The following ALG1 variants were observed in gnomAD, a reference collection of about 807,000 sequenced individuals.
ALG1 encodes the protein chitobiosyldiphosphodolichol beta-mannosyltransferase.
ALG1 carries 58 observed loss-of-function variants against 55.1 expected under a neutral mutation model. The ratio of observed to expected loss-of-function variants is 1.05; its 90% CI spans 0.85 to 1.31. The LOEUF (loss-of-function observed/expected upper bound fraction) is 1.31. ALG1 is among the 50% of genes most tolerant of loss of function. ALG1 has a pLI of 0.00. For missense variants in ALG1, 761 were observed against 598.6 expected, an observed-to-expected ratio of 1.27 and a Z score of -2.83; for synonymous variants, 309 against 247.0, an observed-to-expected ratio of 1.25 and a Z score of -2.35.
In ALG1 at chr16:5,079,363, C is replaced by T. The variant is rs371452820; in HGVS notation, c.901+261C>T. Among the ~76,000 whole-genome samples, 71 of 152,316 alleles carry T rather than the reference C, an allele frequency of 4.7e-4. 1 individual carries two copies. The highest frequency in any genetic ancestry group is 1.7e-3 in the African/African-American group (69 of 41,560). The stretch of plus-strand genomic sequence containing the variant: ...CGCCAGAGCAGTGCTCTTTCTCCAC[C>T]TGACCAGGTGACTCTGGCTATTGTT... On this transcript the variant is annotated intron_variant, in intron 8 of 12. Transcript: ENST00000262374.
intron 3 of ALG1, among the ~76,000 whole-genome samples, chr16:5,074,439 C>A (rs892713478): frequency 6.6e-6 from 1 of 152,162 alleles, no homozygotes; most frequent in Non-Finnish European, 1.5e-5. Context: ...CATGAACCAT[C>A]GTGACCCACA....
intron 9 of ALG1, among the ~76,000 whole-genome samples, chr16:5,080,681 C>T (rs1324569393): frequency 1.3e-5 from 2 of 152,186 alleles, no homozygotes; most frequent in Non-Finnish European, 2.9e-5. Flanking sequence ...GGTGCCAGGC[C>T]AGTGCTTACC....
chr16:5,073,360 G>T, intron 3 of ALG1, 104 bp downstream of exon 3: 1 of 1,043,274 alleles, frequency 9.6e-7, no homozygotes, highest in Non-Finnish European at 1.5e-6. Context: ...TGTGTTGTGT[G>T]TATGGGCGTT....
intron 3 of ALG1, among the ~76,000 whole-genome samples, chr16:5,075,117 C>T (rs749850360): frequency 1.3e-5 from 2 of 152,058 alleles, no homozygotes; most frequent in African/African-American, 2.4e-5. Context: ...TTTCCTAGGC[C>T]GGCCTTGAAC....
At chr16:5,077,612 G>C in intron 5 of ALG1, 78 bp downstream of exon 5, 3 of 1,429,576 alleles carry the variant, frequency 2.1e-6, no homozygotes, top group South Asian at 2.3e-5. Flanking sequence ...TGCCTTGCCT[G>C]CTGCCGTCCT....
Position 5,071,960 on chromosome 16 carries a change from G to T in ALG1, c.111G>T (p.Ala37=), listed in dbSNP as rs1464493808. 1 of 1,589,098 alleles carries T rather than the reference G, an allele frequency of 6.3e-7. No individual in the cohort carries two copies. Among genetic ancestry groups the T allele is most frequent in the Non-Finnish European group, 8.6e-7 (1 of 1,167,848 alleles). ...GGCGGGCGGCCCGGCATGTAGTAGCGGTGGTGCTGGGCGACGTGGGCCGCA... is the reference window on the plus strand; with the variant it reads ...GGCGGGCGGCCCGGCATGTAGTAGCTGTGGTGCTGGGCGACGTGGGCCGCA... ...RRGRAARHVV[A]VVLGDVGRSP... The change falls in exon 1 of 13, where the codon GCG becomes GCT. Residue 37 remains alanine (A), a synonymous_variant. Transcript: ENST00000262374.
chr16:5,077,700 G>A lies in ALG1; in HGVS notation c.629+166G>A, dbSNP rs116891668. On this transcript the variant is annotated intron_variant, in intron 5 of 12. Coordinates refer to ENST00000262374, the MANE Select transcript of ALG1 (RefSeq NM_019109.5). ...GGAAGCTGGGGGAGGAGGGGGCAGA[G>A]TTTCTTTCTTAGCCAGCCAGGGGGT... Among the ~76,000 whole-genome samples, 2,224 of 152,304 alleles carry A rather than the reference G, an allele frequency of 0.015. 32 individuals are homozygous for A. Among genetic ancestry groups the A allele is most frequent in the South Asian group, 0.039 (187 of 4,828 alleles).
intron 11 of ALG1, 101 bp downstream of exon 11, chr16:5,082,774 C>T (rs890104304): frequency 2.7e-5 from 37 of 1,385,366 alleles, no homozygotes; most frequent in Non-Finnish European, 1.1e-5. Flanking sequence ...CCCTGCCCCT[C>T]GGTCAGTCCG....
chr16:5,084,973 C>T lies in ALG1; in HGVS notation c.*92C>T. 1 of 1,587,774 alleles carries T rather than the reference C, an allele frequency of 6.3e-7. No homozygotes were observed. Among genetic ancestry groups the T allele is most frequent in the South Asian group, 1.1e-5 (1 of 90,810 alleles). ...CAGGGCAAACCCTTTCGAGCAGCACCTCCCAGTGGCCAGAAGCTGAAATGA... is the reference window on the plus strand; with the variant it reads ...CAGGGCAAACCCTTTCGAGCAGCACTTCCCAGTGGCCAGAAGCTGAAATGA... On this transcript the variant is annotated 3_prime_UTR_variant, in exon 13 of 13. Transcript: ENST00000262374.
At chr16:5,073,990 C>T (rs1232072848) in intron 3 of ALG1, among the ~76,000 whole-genome samples, 2 of 152,240 alleles carry the variant, frequency 1.3e-5, no homozygotes, top group African/African-American at 4.8e-5. Flanking sequence ...GCTGGGATTA[C>T]AGGCGTGCGC....
rs1957211515 is a variant in ALG1, at chr16:5,087,226, A to G, written c.*2345A>G. 6.6e-6 allele frequency: 1 copy of G among 152,230 alleles called. No individual in the cohort carries two copies. The highest frequency in any genetic ancestry group is 2.4e-5 in the African/African-American group (1 of 41,452). The allele number at this position is 152,230 out of a possible 1,614,324, so 9.4% of individuals were successfully genotyped here. On this transcript the variant is annotated 3_prime_UTR_variant, in exon 13 of 13. Transcript: ENST00000262374. ...ATACCTGATGAGCTAAAAGAAAAAA[A>G]ATCACAAAAAAACCTCGTACTGTTT...
intron 10 of ALG1, among the ~76,000 whole-genome samples, chr16:5,082,034 C>G (rs1481584462): frequency 6.6e-6 from 1 of 152,076 alleles, no homozygotes; most frequent in Non-Finnish European, 1.5e-5. Flanking sequence ...CTCCGCCTTC[C>G]CGGGTTCAAG....
rs1957097146 is a variant in ALG1, at chr16:5,084,871, T to G, written c.1385T>G (p.Met462Arg). The G allele has an allele frequency of 6.3e-7, 1 of 1,595,432 alleles. No homozygotes were observed. The highest frequency in any genetic ancestry group is 8.5e-7 in the Non-Finnish European group (1 of 1,179,456). ...GTGCAGACTGTGCTCCCTTTGGTTATGGACACATAACTCCTGGGCCAGAGG... is the reference window on the plus strand; with the variant it reads ...GTGCAGACTGTGCTCCCTTTGGTTAGGGACACATAACTCCTGGGCCAGAGG... The part of the protein sequence containing the change: ...SWVQTVLPLV[M>R]DT Residue 462 changes from methionine to arginine, a missense_variant, in exon 13 of 13, where the codon ATG (methionine) becomes AGG (arginine). Transcript: ENST00000262374.
Position 5,085,487 on chromosome 16 carries a change from G to T in ALG1, c.*606G>T. On this transcript the variant is annotated 3_prime_UTR_variant, in exon 13 of 13. Coordinates refer to ENST00000262374, the MANE Select transcript of ALG1 (RefSeq NM_019109.5). ...CGCTTAGATAGCCGATGTCTTATTA[G>T]AGGGCAGTTTGTGGTTCCTGATTTG... 1.4e-6 allele frequency: 1 copy of T among 713,720 alleles called. No homozygotes were observed. Among genetic ancestry groups the T allele is most frequent in the Non-Finnish European group, 2.5e-6 (1 of 392,678 alleles). The allele number at this position is 713,720 out of a possible 1,614,324, so 44.2% of individuals were successfully genotyped here. A position where few individuals can be genotyped will look rare whatever the true frequency, so the allele number is the denominator to read the frequency against.
intron 10 of ALG1, among the ~76,000 whole-genome samples, chr16:5,081,443 C>T (rs1175226763): frequency 6.6e-6 from 1 of 152,254 alleles, no homozygotes; most frequent in African/African-American, 2.4e-5. Context: ...GCCTCCGTCT[C>T]TTTCCCCGTT....
At chr16:5,082,418 G>T (rs1957031442) in intron 10 of ALG1, 141 bp from the exon 11 acceptor site, 3 of 886,954 alleles carry the variant, frequency 3.4e-6, no homozygotes, top group Non-Finnish European at 1.8e-6. Flanking sequence ...TGCTTGGCCA[G>T]CTTAAGCCAC....
At chr16:5,082,137 G>A (rs554953706) in intron 10 of ALG1, among the ~76,000 whole-genome samples, 2 of 151,788 alleles carry the variant, frequency 1.3e-5, no homozygotes, top group South Asian at 2.1e-4. Context: ...TAGAGATGGG[G>A]TTTCACCATG....
intron 9 of ALG1, among the ~76,000 whole-genome samples, chr16:5,080,308 AC>A (rs1956995015): frequency 6.6e-6 from 1 of 151,942 alleles, no homozygotes; most frequent in East Asian, 1.9e-4. Flanking sequence ...CAGGTGATCC[AC>A]CCGCCTTGGC....
intron 1 of ALG1, among the ~76,000 whole-genome samples, chr16:5,072,579 G>C (rs1287192399): frequency 6.6e-6 from 1 of 152,200 alleles, no homozygotes; most frequent in Non-Finnish European, 1.5e-5. Context: ...AACAGCACTA[G>C]TTGCCTTTAA....
Sources: allele counts gnomAD v4.1 joint callset (sites outside exome capture counted in the v4.1 genomes callset), GRCh38; gene constraint gnomAD v4.1.1; transcripts MANE v1.5; gene names NCBI Gene and HGNC (gene_info 2026-07-23, HGNC 2026-07-21).